NCLN: variants seen among roughly 807,000 people sequenced by gnomAD.
The protein encoded by NCLN is nicalin, also known as BOS complex subunit NCLN.
Under a neutral mutation model 69.5 loss-of-function variants are expected in NCLN, and 34 were observed. The ratio of observed to expected loss-of-function variants is 0.49; its 90% CI spans 0.37 to 0.65. The LOEUF is 0.65. NCLN is among the 30% of genes least tolerant of loss of function. The probability of loss-of-function intolerance (pLI) is 0.00; values close to 1 mark genes in which losing one functional copy is unlikely to be tolerated. For synonymous variants in NCLN, 393 were observed against 358.3 expected (o/e 1.10, Z -1.09); for missense variants, 710 against 804.8 (o/e 0.88, Z 1.42).
intron 2 of NCLN, 89 bp from the exon 3 acceptor site, chr19:3,193,195 T>TCCCC: frequency 2.3e-6 from 3 of 1,285,586 alleles, no homozygotes; most frequent in Non-Finnish European, 3.2e-6. Flanking sequence ...GGCCCCCTGC[T>TCCCC]ACCCCCACCA....
rs147378701 is a variant in NCLN at position 3,191,528 on chromosome 19, G to A, written c.185-942G>A. ...GCAGTAGGGTGGTCCTAGAGCAGGC[G>A]AGCCCGAGGGGCGCTCCATGCTGGT... On this transcript the variant is annotated intron_variant, in intron 1 of 14. Coordinates refer to ENST00000246117, the MANE Select transcript of NCLN (RefSeq NM_020170.4). 1.7e-3 allele frequency among the ~76,000 whole-genome samples: 266 copies of A among 152,278 alleles called. 1 individual carries two copies. The highest frequency in any genetic ancestry group is 6.1e-3 in the African/African-American group (253 of 41,548).
intron 8 of NCLN, 56 bp from the exon 9 acceptor site, chr19:3,204,517 G>A (rs1916209934): frequency 6.8e-7 from 1 of 1,479,502 alleles, no homozygotes; most frequent in Non-Finnish European, 9.0e-7. Flanking sequence ...TTGGGGAATG[G>A]GCTGGGGTGG....
chr19:3,204,433 TA>T (rs1300831029), intron 8 of NCLN, 139 bp from the exon 9 acceptor site: 17 of 973,058 alleles, frequency 1.7e-5, no homozygotes, highest in Non-Finnish European at 2.3e-5. Context: ...CAGCAGGCCT[TA>T]GGGGGACCCC....
At chr19:3,204,796 G>C in intron 9 of NCLN, 45 bp downstream of exon 9, 1 of 1,391,006 alleles carries the variant, frequency 7.2e-7, no homozygotes, top group South Asian at 1.6e-5. Context: ...GGCTTTCCTG[G>C]GGGCTGAGCC....
Position 3,196,226 on chromosome 19 carries a change from C to T in NCLN, c.564C>T (p.Thr188=). The change falls in exon 4 of 15, where the codon ACC becomes ACT. Residue 188 remains threonine (T), a synonymous_variant. Transcript: ENST00000246117. ...CTGCCAACGGCTTCCAGATGGTCAC[C>T]AGCGGGGTACAGAGCAAGGCCGTGA... The part of the protein sequence containing the change: ...TATANGFQMV[T]SGVQSKAVSD... 6.4e-7 allele frequency: 1 copy of T among 1,556,364 alleles called. No homozygotes were observed. The highest frequency in any genetic ancestry group is 8.7e-7 in the Non-Finnish European group (1 of 1,149,700).
chr19:3,199,036 G>A, intron 5 of NCLN, 139 bp downstream of exon 5: 1 of 549,954 alleles, frequency 1.8e-6, no homozygotes, highest in Non-Finnish European at 2.9e-6. Context: ...CCGTCATCCT[G>A]GTCCCCGCGA....
In NCLN at chr19:3,190,731, C is replaced by T. The variant is rs148109836; in HGVS notation, c.185-1739C>T. Reference sequence around the variant, plus strand: ...GTCTCACACGGGAGGCTCCGGGGCCCGCCCCCGGCCCCCCTGCGTCAGGCC... The same window carrying T: ...GTCTCACACGGGAGGCTCCGGGGCCTGCCCCCGGCCCCCCTGCGTCAGGCC... On this transcript the variant is annotated intron_variant, in intron 1 of 14. Coordinates refer to ENST00000246117, the MANE Select transcript of NCLN (RefSeq NM_020170.4). 3.8e-3 allele frequency among the ~76,000 whole-genome samples: 575 copies of T among 152,274 alleles called. 7 individuals are homozygous for T. The highest frequency in any genetic ancestry group is 0.013 in the African/African-American group (534 of 41,532).
intron 1 of NCLN, among the ~76,000 whole-genome samples, chr19:3,187,203 C>T (rs1187180810): frequency 3.3e-5 from 5 of 152,214 alleles, no homozygotes; most frequent in African/African-American, 1.2e-4. Flanking sequence ...ACTCAACAGC[C>T]TCGCCCCCTC....
chr19:3,201,355 G>A (rs1292264330), intron 5 of NCLN, among the ~76,000 whole-genome samples, 168 bp from the exon 6 acceptor site: 2 of 152,254 alleles, frequency 1.3e-5, no homozygotes, highest in African/African-American at 2.4e-5. Flanking sequence ...TGGCAGAGGG[G>A]CTGGGGGACA....
At chr19:3,193,510 G>C in intron 3 of NCLN, 82 bp downstream of exon 3, 1 of 1,444,008 alleles carries the variant, frequency 6.9e-7, no homozygotes, top group Non-Finnish European at 9.2e-7. Flanking sequence ...GGTCACCCTG[G>C]GCTGTTTCTG....
At position 3,207,399 on chromosome 19, in the gene NCLN, C is replaced by T. The variant is rs1916298448; in HGVS notation, c.1562C>T (p.Pro521Leu). The T allele has an allele frequency of 1.3e-5, 21 of 1,613,116 alleles. No homozygotes were observed. Among genetic ancestry groups the T allele is most frequent in the Non-Finnish European group, 1.7e-5 (20 of 1,180,004 alleles). ...CCCTGCTTTCTCCACAGAGTCAAGC[C>T]GGCCGTCTTTGACCTGCTCCTGGCT... is the stretch of plus-strand genomic sequence containing the variant. ...KQVMNAYRVK[P>L]AVFDLLLAVG... Residue 521 changes from proline to leucine, a missense_variant, in exon 14 of 15, where the codon CCG becomes CTG. Transcript: ENST00000246117.
chr19:3,199,037 G>A (rs1916053260), intron 5 of NCLN, 140 bp downstream of exon 5: 1 of 537,864 alleles, frequency 1.9e-6, no homozygotes, highest in Non-Finnish European at 3.0e-6. Context: ...CGTCATCCTG[G>A]TCCCCGCGAG....
chr19:3,197,535 A>G (rs1002408721), intron 4 of NCLN, among the ~76,000 whole-genome samples: 2 of 151,960 alleles, frequency 1.3e-5, no homozygotes, highest in Non-Finnish European at 2.9e-5. Context: ...TCCGCCTCCC[A>G]GGTTCAGGCG....
At chr19:3,206,638 C>T (rs1916280249) in intron 12 of NCLN, among the ~76,000 whole-genome samples, 2 of 152,142 alleles carry the variant, frequency 1.3e-5, no homozygotes, top group African/African-American at 4.8e-5. Flanking sequence ...GAGTTCAAGA[C>T]CAGACTGGCC....
chr19:3,197,952 G>A (rs1916012071), intron 4 of NCLN, among the ~76,000 whole-genome samples: 1 of 152,230 alleles, frequency 6.6e-6, no homozygotes, highest in African/African-American at 2.4e-5. Context: ...ACACAGCCAT[G>A]CTGATGCATG....
intron 3 of NCLN, 35 bp from the exon 4 acceptor site, chr19:3,196,147 TG>T: frequency 6.8e-7 from 1 of 1,472,716 alleles, no homozygotes; most frequent in Non-Finnish European, 9.2e-7. Flanking sequence ...GGGCCCTGGC[TG>T]GGCCAAGGCT....
chr19:3,204,600 C>A lies in NCLN; in HGVS notation c.1057C>A (p.Arg353=). The A allele has an allele frequency of 6.4e-7, 1 of 1,571,396 alleles. No individual in the cohort carries two copies. Among genetic ancestry groups the A allele is most frequent in the Non-Finnish European group, 8.6e-7 (1 of 1,158,898 alleles). The change falls in exon 9 of 15, where the codon CGG becomes AGG. Residue 353 remains arginine (R), a synonymous_variant. Coordinates refer to ENST00000246117, the MANE Select transcript of NCLN (RefSeq NM_020170.4). ...GGCCGCGCACCAGTTCCCTGAGGTA[C>A]GGTTCTCCATGGTGCACAAGCGGAT... ...TVAAHQFPEV[R]FSMVHKRINL... is the part of the protein sequence containing the mutation.
rs60781577 is a variant in NCLN, at chr19:3,207,867, G to C, written c.*179G>C. ...TTCTGTTGCTCTCCGAGACTGGGGG[G>C]GGATTGTTTCTTCTTTTCCTTGTCT... On this transcript the variant is annotated 3_prime_UTR_variant, in exon 15 of 15. Coordinates refer to ENST00000246117, the MANE Select transcript of NCLN (RefSeq NM_020170.4). 1 of 595,444 alleles carries C rather than the reference G, an allele frequency of 1.7e-6. No homozygotes were observed. Among genetic ancestry groups the C allele is most frequent in the Non-Finnish European group, 3.0e-6 (1 of 332,090 alleles). The allele number at this position is 595,444 out of a possible 1,614,324, so 36.9% of individuals were successfully genotyped here. A position where few individuals can be genotyped will look rare whatever the true frequency, so the allele number is the denominator to read the frequency against.
In NCLN at chr19:3,207,258, G is replaced by A. The variant is rs1282689370; in HGVS notation, c.1553+7G>A. The A allele has an allele frequency of 6.2e-7, 1 of 1,613,666 alleles. No individual in the cohort carries two copies. The highest frequency in any genetic ancestry group is 8.5e-7 in the Non-Finnish European group (1 of 1,180,012). On this transcript the variant is annotated splice_region_variant and intron_variant, in intron 13 of 14. Coordinates refer to ENST00000246117, the MANE Select transcript of NCLN (RefSeq NM_020170.4). The stretch of plus-strand genomic sequence containing the variant: ...AAGTGATGAATGCGTACAGGTGAGT[G>A]GTGGCCAGCGGGACCTGGAGCCCTT...
Sources: gnomAD v4.1 joint callset for allele counts (sites outside exome capture counted in the v4.1 genomes callset) on GRCh38, gnomAD v4.1.1 for gene constraint, MANE v1.5 for transcripts, NCBI Gene and HGNC (gene_info 2026-07-23, HGNC 2026-07-21) for gene names.